The following SGO2 variants were observed in gnomAD, a reference collection of about 807,000 sequenced individuals.
The protein encoded by SGO2 is shugoshin 2.
In SGO2, 68 loss-of-function variants were observed where a neutral mutation model predicts 99.5. The observed-to-expected ratio is 0.68, with a 90% CI of 0.56 to 0.84. SGO2 has a LOEUF of 0.84. Among genes scored for constraint, SGO2 ranks in the 40% least tolerant of loss-of-function variants. SGO2 has a pLI of 0.00. For missense variants in SGO2, 1,350 were observed against 1,436.7 expected, an observed-to-expected ratio of 0.94 and a Z score of 0.97; for synonymous variants, 457 against 487.1, an observed-to-expected ratio of 0.94 and a Z score of 0.81.
rs374812863 is a variant in SGO2, at chr2:200,546,517, A to G, written c.473+3853A>G. Among the ~76,000 whole-genome samples, 230 of 152,226 alleles carry G rather than the reference A, an allele frequency of 1.5e-3. 1 individual carries two copies. Among genetic ancestry groups the G allele is most frequent in the African/African-American group, 5.2e-3 (216 of 41,538 alleles). ...GCAGACAAGGAGCCATGAGCTTCCC[A>G]AAAGGACAAAAAGCAGAAATTTAGT... On this transcript the variant is annotated intron_variant, in intron 5 of 8. Transcript: ENST00000357799.
intron 5 of SGO2, among the ~76,000 whole-genome samples, chr2:200,559,548 G>A (rs1487292812): frequency 2.6e-5 from 4 of 151,836 alleles, no homozygotes; most frequent in Non-Finnish European, 1.5e-5. Context: ...AAAAAAATAA[G>A]CATTTAAGGT....
intron 5 of SGO2, among the ~76,000 whole-genome samples, chr2:200,559,116 C>A (rs1031556941): frequency 3.9e-5 from 6 of 152,034 alleles, no homozygotes; most frequent in African/African-American, 7.2e-5. Context: ...CATCTCATTT[C>A]TTTAATAGGT....
chr2:200,561,183 A>G (rs1319303691), intron 5 of SGO2, among the ~76,000 whole-genome samples: 2 of 152,090 alleles, frequency 1.3e-5, no homozygotes, highest in Non-Finnish European at 2.9e-5. Flanking sequence ...TCCTAACGCT[A>G]TCCCTCCCCT....
chr2:200,558,993 G>A (rs2032834750), intron 5 of SGO2, among the ~76,000 whole-genome samples: 1 of 152,094 alleles, frequency 6.6e-6, no homozygotes, highest in African/African-American at 2.4e-5. Context: ...TATAGAGACA[G>A]GGTTTCGCCA....
chr2:200,583,687 A>G lies in SGO2; in HGVS notation c.*223A>G, dbSNP rs377747451. 9 of 330,712 alleles carry G rather than the reference A, an allele frequency of 2.7e-5. No individual in the cohort carries two copies. In the South Asian group the frequency reaches 3.6e-4, roughly 13 times the overall value. 20.5% of individuals were successfully genotyped at this position (330,712 alleles called of 1,614,324 possible). On this transcript the variant is annotated 3_prime_UTR_variant, in exon 9 of 9. Coordinates refer to ENST00000357799, the MANE Select transcript of SGO2 (RefSeq NM_152524.6). ...AACTTTTTGAGTCATTTTGGTCATC[A>G]TATAACTTACCTTCCTGTTTATTTA...
At chr2:200,540,632 C>G (rs1333035778) in intron 4 of SGO2, among the ~76,000 whole-genome samples, 1 of 152,172 alleles carries the variant, frequency 6.6e-6, no homozygotes, top group Non-Finnish European at 1.5e-5. Context: ...CACTTCTATC[C>G]CCACCATAGA....
intron 1 of SGO2, chr2:200,531,868 T>C (rs1456877749): frequency 6.5e-6 from 1 of 153,590 alleles, no homozygotes; most frequent in African/African-American, 2.4e-5. Context: ...GTCCTTGGCA[T>C]GTGGCTGCAT....
In SGO2 at chr2:200,574,717, G is replaced by GA. The variant is rs534869098; in HGVS notation, c.3632-588dup. 3.9e-5 allele frequency among the ~76,000 whole-genome samples: 6 copies of GA among 151,930 alleles called. No individual in the cohort carries two copies. The South Asian group carries it at 6.2e-4, about 16-fold the overall frequency. ...GTAGAGAGTCAGAAAAAGGGAGGGGGAAAAAATCACCTGGGAGAACTTTAG... is the reference window on the plus strand; with the variant it reads ...GTAGAGAGTCAGAAAAAGGGAGGGGGAAAAAAATCACCTGGGAGAACTTTAG... On this transcript the variant is annotated intron_variant, in intron 7 of 8. Coordinates refer to ENST00000357799, the MANE Select transcript of SGO2 (RefSeq NM_152524.6).
At chr2:200,574,119 A>T (rs2033566336) in intron 7 of SGO2, 142 bp downstream of exon 7, 1 of 542,590 alleles carries the variant, frequency 1.8e-6, no homozygotes, top group East Asian at 3.2e-5. Context: ...TACATGATCC[A>T]TAGAAATAGC....
chr2:200,583,563 T>TC lies in SGO2; in HGVS notation c.*99_*100insC. 8.8e-7 allele frequency: 1 copy of TC among 1,140,868 alleles called. No individual in the cohort carries two copies. Among genetic ancestry groups the TC allele is most frequent in the Non-Finnish European group, 1.2e-6 (1 of 814,030 alleles). 70.7% of individuals were successfully genotyped at this position (1,140,868 alleles called of 1,614,324 possible). ...AGATGAAATGCTTAATGAAAAGGTTTTTTTTTTGTTTCTTTGGCCTTTCAT... is the reference window on the plus strand; with the variant it reads ...AGATGAAATGCTTAATGAAAAGGTTTCTTTTTTTGTTTCTTTGGCCTTTCAT... On this transcript the variant is annotated 3_prime_UTR_variant, in exon 9 of 9. Coordinates refer to ENST00000357799, the MANE Select transcript of SGO2 (RefSeq NM_152524.6).
rs1197344911 is a variant in SGO2, at chr2:200,583,592, GTGT to G, written c.*131_*133del. On this transcript the variant is annotated 3_prime_UTR_variant, in exon 9 of 9. Coordinates refer to ENST00000357799, the MANE Select transcript of SGO2 (RefSeq NM_152524.6). ...TTTTGTTTCTTTGGCCTTTCATGGA[GTGT>G]TGATTTGTCCATTCTTAATGTTTAT... 27 of 699,668 alleles carry G rather than the reference GTGT, an allele frequency of 3.9e-5. No homozygotes were observed. Among genetic ancestry groups the G allele is most frequent in the Middle Eastern group, 4.1e-4 (1 of 2,420 alleles). 43.3% of individuals were successfully genotyped at this position (699,668 alleles called of 1,614,324 possible).
chr2:200,540,954 G>A (rs952202605), intron 4 of SGO2, among the ~76,000 whole-genome samples: 2 of 152,148 alleles, frequency 1.3e-5, no homozygotes, highest in Non-Finnish European at 2.9e-5. Context: ...AGATTCATTT[G>A]GTTCACAGTT....
chr2:200,560,961 C>T (rs1045104775), intron 5 of SGO2, among the ~76,000 whole-genome samples: 2 of 151,952 alleles, frequency 1.3e-5, no homozygotes, highest in African/African-American at 4.8e-5. Context: ...ATATAGAAAA[C>T]GTTTGTCTTT....
chr2:200,548,152 T>G (rs2032322963), intron 5 of SGO2, among the ~76,000 whole-genome samples: 1 of 149,900 alleles, frequency 6.7e-6, no homozygotes, highest in African/African-American at 2.5e-5. Context: ...CTAACTGACA[T>G]TTCACCCAGC....
rs1297073937 is a variant in SGO2 at position 200,526,265 on chromosome 2, C to T, written c.-3+13C>T. 6.6e-6 allele frequency: 1 copy of T among 152,310 alleles called. No homozygotes were observed. The highest frequency in any genetic ancestry group is 1.5e-5 in the Non-Finnish European group (1 of 68,092). The allele number at this position is 152,310 out of a possible 1,614,324, so 9.4% of individuals were successfully genotyped here. A position where few individuals can be genotyped will look rare whatever the true frequency, so the allele number is the denominator to read the frequency against. The stretch of plus-strand genomic sequence containing the variant: ...CGCTGAAAGAGAGGTAAGTTAGTGG[C>T]CTGCGGCAGTTGACGTGACCGCCCT... On this transcript the variant is annotated intron_variant, in intron 1 of 8. Transcript: ENST00000357799. The surrounding 1 kb of genome is among the most constrained non-coding windows in gnomAD (Gnocchi z 4.8).
intron 5 of SGO2, among the ~76,000 whole-genome samples, chr2:200,557,888 A>T (rs2032783202): frequency 7.2e-6 from 1 of 137,974 alleles, no homozygotes; most frequent in African/African-American, 2.7e-5. Context: ...TTTTTGAGAC[A>T]GAGTCTCACT....
At chr2:200,555,351 T>C (rs962096746) in intron 5 of SGO2, among the ~76,000 whole-genome samples, 2 of 152,124 alleles carry the variant, frequency 1.3e-5, no homozygotes, top group Non-Finnish European at 2.9e-5. Context: ...TTGCTAGTTT[T>C]TAAGTTTCTA....
At chr2:200,578,887 A>C (rs190121389) in intron 8 of SGO2, among the ~76,000 whole-genome samples, 1 of 152,020 alleles carries the variant, frequency 6.6e-6, no homozygotes, top group East Asian at 1.9e-4. Flanking sequence ...GAATCTTAGG[A>C]TGGTATTGAC....
In SGO2 at chr2:200,571,753, A is replaced by C; in HGVS notation, c.1407A>C (p.Glu469Asp). 1 of 1,613,756 alleles carries C rather than the reference A, an allele frequency of 6.2e-7. No individual in the cohort carries two copies. Among genetic ancestry groups the C allele is most frequent in the Non-Finnish European group, 8.5e-7 (1 of 1,179,714 alleles). ...ATGAACAGCTGGCTCAGGTGAATGA[A>C]CTAAAGAAAATGACCCTTCAAACTG... ...QMNEQLAQVN[E>D]LKKMTLQTGF... The change falls in exon 7 of 9, where the codon GAA (glutamate) becomes GAC (aspartate). Residue 469 changes from glutamate (E) to aspartate (D), a missense_variant. Transcript: ENST00000357799.
Sources: allele counts gnomAD v4.1 joint callset (sites outside exome capture counted in the v4.1 genomes callset), GRCh38; gene constraint gnomAD v4.1.1; non-coding constraint Gnocchi (gnomAD v3.1); transcripts MANE v1.5; gene names NCBI Gene and HGNC (gene_info 2026-07-23, HGNC 2026-07-21).